The following PCCA variants were observed in gnomAD, a reference collection of about 807,000 sequenced individuals.
PCCA encodes propionyl-CoA carboxylase alpha chain, mitochondrial.
A neutral mutation model predicts 101.3 loss-of-function variants in PCCA; 74 were observed. The ratio of observed to expected loss-of-function variants is 0.73; its 90% CI spans 0.61 to 0.89. The LOEUF is 0.89. PCCA is among the 40% of genes least tolerant of loss of function. The probability of loss-of-function intolerance (pLI) is 0.00; values close to 1 mark genes in which losing one functional copy is unlikely to be tolerated. For missense variants in PCCA, 891 were observed against 907.0 expected, an observed-to-expected ratio of 0.98 and a Z score of 0.23; for synonymous variants, 294 against 313.6, an observed-to-expected ratio of 0.94 and a Z score of 0.66.
chr13:100,151,141 A>C, intron 4 of PCCA: 1 of 993,854 alleles, frequency 1.0e-6, no homozygotes, highest in Non-Finnish European at 1.5e-6. Context: ...AAAGAAGTTT[A>C]ATTTATTTTT....
In PCCA at chr13:100,105,710, C is replaced by T. The variant is rs377207096; in HGVS notation, c.183+2750C>T. On this transcript the variant is annotated intron_variant, in intron 2 of 23. Transcript: ENST00000376285. ...CACAAAAATTAGCTGGGTGTGGTGG[C>T]GTGCACCAGTAGTTCCAGCTACACA... Among the ~76,000 whole-genome samples the T allele has an allele frequency of 1.9e-3, 278 of 145,178 alleles. 4 individuals carry two copies. In the South Asian group the frequency reaches 0.035, roughly 18 times the overall value.
intron 8 of PCCA, among the ~76,000 whole-genome samples, chr13:100,246,230 T>C (rs918481713): frequency 1.3e-5 from 2 of 152,234 alleles, no homozygotes; most frequent in Non-Finnish European, 1.5e-5. Flanking sequence ...CTTTGAGATA[T>C]ATTTTTCATG....
In PCCA at chr13:100,400,627, G is replaced by GTTTTTTTTTTT. The variant is rs763331038; in HGVS notation, c.1747-25004_1747-25003insTTTTTTTTTTT. ...TGATGATTGATCTTAGTTCTTTTTAGTTCTTTTTTTTTTTTTTTTTGAGAG... is the reference window on the plus strand; with the variant it reads ...TGATGATTGATCTTAGTTCTTTTTAGTTTTTTTTTTTTTCTTTTTTTTTTTTTTTTTGAGAG... On this transcript the variant is annotated intron_variant, in intron 19 of 23. Transcript: ENST00000376285. Among the ~76,000 whole-genome samples, 42 of 80,224 alleles carry GTTTTTTTTTTT rather than the reference G, an allele frequency of 5.2e-4. 4 individuals carry two copies. Among genetic ancestry groups the GTTTTTTTTTTT allele is most frequent in the East Asian group, 2.1e-3 (6 of 2,850 alleles). 52.6% of individuals were successfully genotyped at this position (80,224 alleles called of 152,430 possible).
At chr13:100,480,596 C>T (rs1217867450) in intron 21 of PCCA, among the ~76,000 whole-genome samples, 1 of 152,158 alleles carries the variant, frequency 6.6e-6, no homozygotes, top group Non-Finnish European at 1.5e-5. Flanking sequence ...TCCATAGAAC[C>T]TTTTGTTCCT....
intron 19 of PCCA, among the ~76,000 whole-genome samples, chr13:100,381,388 CAAAA>C (rs984112724): frequency 1.6e-5 from 1 of 61,422 alleles, no homozygotes; most frequent in Non-Finnish European, 3.5e-5. Flanking sequence ...GACTCCGTCT[CAAAA>C]AAAAAAAAAA....
intron 22 of PCCA, among the ~76,000 whole-genome samples, chr13:100,524,195 G>T (rs2087534859): frequency 6.6e-6 from 1 of 152,354 alleles, no homozygotes; most frequent in East Asian, 1.9e-4. Context: ...GTTGTTGGAA[G>T]GAGCCCAGCT....
At chr13:100,248,839 C>T (rs193140301) in intron 8 of PCCA, among the ~76,000 whole-genome samples, 63 of 152,094 alleles carry the variant, frequency 4.1e-4, no homozygotes, top group Admixed American at 6.5e-4. Context: ...CTCCGCCTCC[C>T]GGGTTCAAGT....
intron 6 of PCCA, among the ~76,000 whole-genome samples, chr13:100,196,831 C>T (rs527782790): frequency 1.3e-5 from 2 of 152,298 alleles, no homozygotes; most frequent in African/African-American, 4.8e-5. Context: ...CCATAGCAAT[C>T]ACATCCATTT....
Position 100,273,113 on chromosome 13 carries a change from T to G in PCCA, c.915-83T>G, listed in dbSNP as rs186001778. On this transcript the variant is annotated intron_variant, in intron 11 of 23. Coordinates refer to ENST00000376285, the MANE Select transcript of PCCA (RefSeq NM_000282.4). ...TAGATGATCTATATCTGAGTAAACT[T>G]TAAGAAAATGTTTATGTAATGCACA... The G allele has an allele frequency of 8.8e-6, 9 of 1,022,370 alleles. No homozygotes were observed. The African/African-American group carries it at 1.3e-4, about 14-fold the overall frequency. The allele number at this position is 1,022,370 out of a possible 1,614,324, so 63.3% of individuals were successfully genotyped here.
chr13:100,303,352 A>G (rs780029435), intron 14 of PCCA, among the ~76,000 whole-genome samples: 5 of 152,206 alleles, frequency 3.3e-5, no homozygotes, highest in Non-Finnish European at 7.4e-5. Flanking sequence ...ACCCTGCTAT[A>G]TAGTCACTTG....
rs374728068 is a variant in PCCA, at chr13:100,385,737, C to T, written c.1746+17163C>T. 1.1e-3 allele frequency among the ~76,000 whole-genome samples: 166 copies of T among 152,286 alleles called. 6 individuals carry two copies. The South Asian group carries it at 0.031, about 29-fold the overall frequency. On this transcript the variant is annotated intron_variant, in intron 19 of 23. Coordinates refer to ENST00000376285, the MANE Select transcript of PCCA (RefSeq NM_000282.4). ...TCCTAGGCTCCAGTGATCCTCCCAC[C>T]TCAGGCTCCTGAATAGCTGAATAGT...
At chr13:100,134,433 T>C (rs2050899810) in intron 4 of PCCA, among the ~76,000 whole-genome samples, 1 of 152,254 alleles carries the variant, frequency 6.6e-6, no homozygotes, top group African/African-American at 2.4e-5. Context: ...AAAAAAATCC[T>C]GCTGAGATTT....
rs561614826 is a variant in PCCA at position 100,345,632 on chromosome 13, C to G, written c.1643+5373C>G. Among the ~76,000 whole-genome samples, 59 of 152,308 alleles carry G rather than the reference C, an allele frequency of 3.9e-4. No homozygotes were observed. In the South Asian group the frequency reaches 7.5e-3, roughly 19 times the overall value. ...ATCCAGAAGATCTCACTAGCATCAT[C>G]GATGAAGGTGGCTACACTGAACAGC... On this transcript the variant is annotated intron_variant, in intron 18 of 23. Transcript: ENST00000376285.
chr13:100,161,492 A>G (rs891265318), intron 6 of PCCA: 5 of 152,320 alleles, frequency 3.3e-5, no homozygotes, highest in Admixed American at 1.3e-4. Context: ...ACAAGGCTGC[A>G]GTCCATGATG....
chr13:100,469,548 G>A (rs1350221309), intron 21 of PCCA, among the ~76,000 whole-genome samples: 1 of 152,052 alleles, frequency 6.6e-6, no homozygotes. Context: ...GGAGGCCGAG[G>A]CGGGCGGATC....
intron 16 of PCCA, among the ~76,000 whole-genome samples, chr13:100,328,236 T>C (rs916948778): frequency 1.2e-4 from 18 of 151,804 alleles, no homozygotes; most frequent in Non-Finnish European, 2.1e-4. Context: ...GGTGGCGTGT[T>C]CCTGTAATCC....
intron 4 of PCCA, among the ~76,000 whole-genome samples, chr13:100,120,798 G>A (rs2049296287): frequency 6.6e-6 from 1 of 152,074 alleles, no homozygotes; most frequent in African/African-American, 2.4e-5. Context: ...GAAGATTTGT[G>A]GAGAATAGTT....
intron 20 of PCCA, among the ~76,000 whole-genome samples, chr13:100,446,847 C>T (rs1408484673): frequency 6.6e-6 from 1 of 152,178 alleles, no homozygotes; most frequent in Non-Finnish European, 1.5e-5. Flanking sequence ...TAATTTTTTA[C>T]AAGGCTTATT....
intron 19 of PCCA, among the ~76,000 whole-genome samples, chr13:100,396,332 G>A (rs2077043661): frequency 6.6e-6 from 1 of 152,148 alleles, no homozygotes. Flanking sequence ...GTAGAATAGG[G>A]ATAGTATTCT....
Sources: allele counts gnomAD v4.1 joint callset (sites outside exome capture counted in the v4.1 genomes callset), GRCh38; gene constraint gnomAD v4.1.1; transcripts MANE v1.5; gene names NCBI Gene and HGNC (gene_info 2026-07-23, HGNC 2026-07-21).